The following KLK14 variants were observed in gnomAD, a reference collection of about 807,000 sequenced individuals.
KLK14 encodes kallikrein related peptidase 14.
In KLK14, 21 loss-of-function variants were observed where a neutral mutation model predicts 24.6. The ratio of observed to expected loss-of-function variants is 0.85; its 90% CI spans 0.61 to 1.23. KLK14 has a LOEUF of 1.23. Ranked by LOEUF, KLK14 falls within the 50% of genes most tolerant of loss-of-function variation. KLK14 has a pLI of 0.00. For missense variants in KLK14, 320 were observed against 338.9 expected (o/e 0.94, Z 0.44); for synonymous variants, 133 against 139.7 (o/e 0.95, Z 0.34).
intron 4 of KLK14, 81 bp downstream of exon 4, chr19:51,079,368 C>T: frequency 7.2e-7 from 1 of 1,393,140 alleles, no homozygotes; most frequent in Non-Finnish European, 9.6e-7. Context: ...ACCCAGGAGC[C>T]CCAGTCCCCC....
upstream of KLK14, among the ~76,000 whole-genome samples, chr19:51,083,379 CGG>C (rs869084755): frequency 1.3e-5 from 1 of 79,016 alleles, no homozygotes; most frequent in Non-Finnish European, 2.3e-5. Flanking sequence ...GACAGGGTGA[CGG>C]GGGGGAGAGA....
At chr19:51,079,420 C>T (rs1193567796) in intron 4 of KLK14, 29 bp downstream of exon 4, 12 of 1,583,026 alleles carry the variant, frequency 7.6e-6, no homozygotes, top group Non-Finnish European at 9.5e-6. Context: ...GGCCCAGTCC[C>T]CTGCTTTCCA....
chr19:51,079,981 G>A (rs1326542912), intron 3 of KLK14, among the ~76,000 whole-genome samples: 2 of 152,218 alleles, frequency 1.3e-5, no homozygotes, highest in African/African-American at 2.4e-5. Context: ...CTCCGTGCCA[G>A]GGTCTGTGCT....
chr19:51,078,230 G>A lies in KLK14; in HGVS notation c.604-71C>T. On this transcript the variant is annotated intron_variant, in intron 5 of 5. Transcript: ENST00000650543. The surrounding 1 kb of genome is among the most constrained non-coding windows in gnomAD (Gnocchi z 5.0). ...AGAGCCACCATGGCACAGAGAACCCGAGAAGCAGACACAGGGAGACAGGCA... is the reference window on the plus strand; with the variant it reads ...AGAGCCACCATGGCACAGAGAACCCAAGAAGCAGACACAGGGAGACAGGCA... The A allele has an allele frequency of 7.3e-6, 11 of 1,508,344 alleles. No individual in the cohort carries two copies. Among genetic ancestry groups the A allele is most frequent in the South Asian group, 5.9e-5 (5 of 84,138 alleles). 93.4% of individuals were successfully genotyped at this position (1,508,344 alleles called of 1,614,324 possible).
rs1315110608 is a variant in KLK14 at position 51,078,625 on chromosome 19, C to T, written c.603+190G>A. On this transcript the variant is annotated intron_variant, in intron 5 of 5. Transcript: ENST00000650543. The surrounding 1 kb of genome is among the most constrained non-coding windows in gnomAD (Gnocchi z 5.0). ...CACCTGACAGATGAGGAAACTGAGG[C>T]ATGAATGCTCTGAGTCCATTACCCA... 6.6e-6 allele frequency among the ~76,000 whole-genome samples: 1 copy of T among 152,176 alleles called. No homozygotes were observed. Among genetic ancestry groups the T allele is most frequent in the Admixed American group, 6.5e-5 (1 of 15,282 alleles).
chr19:51,078,955 G>A lies in KLK14; in HGVS notation c.467-4C>T, dbSNP rs2091819954. 2 of 1,613,362 alleles carry A rather than the reference G, an allele frequency of 1.2e-6. No homozygotes were observed. Among genetic ancestry groups the A allele is most frequent in the African/African-American group, 2.7e-5 (2 of 74,980 alleles). ...TGCAGAGAGGCGGGGTACCTGGCTG[G>A]GGGACACTGCAGGGTTATAACTGGG... is the stretch of plus-strand genomic sequence containing the variant. On this transcript the variant is annotated splice_polypyrimidine_tract_variant and splice_region_variant and intron_variant, in intron 4 of 5. Coordinates refer to ENST00000650543, the MANE Select transcript of KLK14 (RefSeq NM_001369775.2). This position sits in a 1 kb window ranked among gnomAD's most constrained non-coding sequence, Gnocchi z 5.0.
Position 51,079,762 on chromosome 19 carries a change from C to T in KLK14, c.213-60G>A, listed in dbSNP as rs1324827946. 16 of 1,502,066 alleles carry T rather than the reference C, an allele frequency of 1.1e-5. No homozygotes were observed. In the South Asian group the frequency reaches 2.0e-4, roughly 19 times the overall value. The allele number at this position is 1,502,066 out of a possible 1,614,324, so 93.0% of individuals were successfully genotyped here. A position where few individuals can be genotyped will look rare whatever the true frequency, so the allele number is the denominator to read the frequency against. On this transcript the variant is annotated intron_variant, in intron 3 of 5. Coordinates refer to ENST00000650543, the MANE Select transcript of KLK14 (RefSeq NM_001369775.2). ...GTCTGAGCCAGAGACTCCTCCCCAC[C>T]CTCCAGCCCGGTTCCCTGGCCGGGT...
In KLK14 at chr19:51,079,539, C is replaced by A. The variant is rs376403022; in HGVS notation, c.376G>T (p.Ala126Ser). Reference protein sequence around the residue: ...QLQQPARIGRAVRPIEVTQAC... With the variant: ...QLQQPARIGRSVRPIEVTQAC... Reference sequence around the variant, plus strand: ...TGGGTGACCTCAATGGGCCTGACTGCCCTCCCGATCCGTGCGGGCTGCTGT... The same window carrying A: ...TGGGTGACCTCAATGGGCCTGACTGACCTCCCGATCCGTGCGGGCTGCTGT... The change falls in exon 4 of 6, where the codon GCA becomes TCA. Residue 126 changes from alanine to serine, a missense_variant. Physicochemically the swap from Ala to Ser is moderately conservative, Grantham distance 99. Transcript: ENST00000650543. The A allele has an allele frequency of 5.3e-5, 85 of 1,613,938 alleles. No individual in the cohort carries two copies. The highest frequency in any genetic ancestry group is 7.0e-5 in the Non-Finnish European group (83 of 1,179,994).
Position 51,078,749 on chromosome 19 carries a change from C to T in KLK14, c.603+66G>A. ...AAGACCTCTGCAGACTTCCATGCTCCTGACATCATTTGCTTAAATCCCAGT... is the reference window on the plus strand; with the variant it reads ...AAGACCTCTGCAGACTTCCATGCTCTTGACATCATTTGCTTAAATCCCAGT... On this transcript the variant is annotated intron_variant, in intron 5 of 5. Coordinates refer to ENST00000650543, the MANE Select transcript of KLK14 (RefSeq NM_001369775.2). The surrounding 1 kb of genome is among the most constrained non-coding windows in gnomAD (Gnocchi z 5.0). 5 of 1,582,966 alleles carry T rather than the reference C, an allele frequency of 3.2e-6. No individual in the cohort carries two copies. Among genetic ancestry groups the T allele is most frequent in the Non-Finnish European group, 4.3e-6 (5 of 1,163,288 alleles).
At position 51,082,782 on chromosome 19, in the gene KLK14, G is replaced by C. The variant is rs745342188; in HGVS notation, c.-83C>G. On this transcript the variant is annotated 5_prime_UTR_variant, in exon 1 of 6. Coordinates refer to ENST00000650543, the MANE Select transcript of KLK14 (RefSeq NM_001369775.2). Reference sequence around the variant, plus strand: ...GCAGAGAGGTAGGGACCAGAGACGAGGGGGGCGGGGCCTGCAGGCTCTGCG... The same window carrying C: ...GCAGAGAGGTAGGGACCAGAGACGACGGGGGCGGGGCCTGCAGGCTCTGCG... The C allele has an allele frequency of 5.0e-6, 8 of 1,608,528 alleles. No individual in the cohort carries two copies. In the African/African-American group the frequency reaches 1.1e-4, roughly 22 times the overall value.
Position 51,079,598 on chromosome 19 carries a change from C to A in KLK14, c.317G>T (p.Arg106Leu), listed in dbSNP as rs372308187. The change falls in exon 4 of 6, where the codon CGG becomes CTG. Residue 106 changes from arginine to leucine, a missense_variant. Physicochemically the swap from Arg to Leu is moderately radical, Grantham distance 102. Coordinates refer to ENST00000650543, the MANE Select transcript of KLK14 (RefSeq NM_001369775.2). ...CAGCATGAGGTCGTTGTCGTGGGTCCGGGAGTTGTAGTTGGGGTGCGTCAC... is the reference window on the plus strand; with the variant it reads ...CAGCATGAGGTCGTTGTCGTGGGTCAGGGAGTTGTAGTTGGGGTGCGTCAC... ...RQVTHPNYNS[R>L]THDNDLMLLQ... The A allele has an allele frequency of 3.1e-6, 5 of 1,613,624 alleles. No homozygotes were observed. The highest frequency in any genetic ancestry group is 4.2e-6 in the Non-Finnish European group (5 of 1,179,902).
chr19:51,081,788 A>G (rs1167480611), intron 2 of KLK14, 85 bp from the exon 3 acceptor site: 1 of 1,296,638 alleles, frequency 7.7e-7, no homozygotes, highest in Non-Finnish European at 1.0e-6. Context: ...AAACTGACAA[A>G]TCCCCTTCCT....
At chr19:51,079,957 T>C (rs1163515324) in intron 3 of KLK14, among the ~76,000 whole-genome samples, 1 of 152,138 alleles carries the variant, frequency 6.6e-6, no homozygotes, top group Non-Finnish European at 1.5e-5. Flanking sequence ...AAGGTGATGA[T>C]TGGGAGAGCT....
Position 51,078,416 on chromosome 19 carries a change from A to G in KLK14, c.604-257T>C, listed in dbSNP as rs753264353. Among the ~76,000 whole-genome samples the G allele has an allele frequency of 3.9e-5, 6 of 152,082 alleles. No homozygotes were observed. Among genetic ancestry groups the G allele is most frequent in the Non-Finnish European group, 5.9e-5 (4 of 67,998 alleles). ...ACCAGGCCCCTCTCTGTTCGCTCCAACTGTAGAACATTTGTGTGTCTCTCT... is the reference window on the plus strand; with the variant it reads ...ACCAGGCCCCTCTCTGTTCGCTCCAGCTGTAGAACATTTGTGTGTCTCTCT... On this transcript the variant is annotated intron_variant, in intron 5 of 5. Coordinates refer to ENST00000650543, the MANE Select transcript of KLK14 (RefSeq NM_001369775.2). This position sits in a 1 kb window ranked among gnomAD's most constrained non-coding sequence, Gnocchi z 5.0.
Position 51,079,598 on chromosome 19 carries a change from CG to C in KLK14, c.316del (p.Arg106GlyfsTer60). 6.2e-7 allele frequency: 1 copy of C among 1,613,742 alleles called. No individual in the cohort carries two copies. The highest frequency in any genetic ancestry group is 8.5e-7 in the Non-Finnish European group (1 of 1,179,894). On this transcript the variant is annotated frameshift_variant, in exon 4 of 6. Transcript: ENST00000650543. LOFTEE classifies it high-confidence loss of function. ...RQVTHPNYNS[R>X]THDNDLMLLQ... ...CAGCATGAGGTCGTTGTCGTGGGTC[CG>C]GGAGTTGTAGTTGGGGTGCGTCACC...
At chr19:51,081,008 C>T (rs527442725) in intron 3 of KLK14, among the ~76,000 whole-genome samples, 1 of 152,354 alleles carries the variant, frequency 6.6e-6, no homozygotes, top group East Asian at 1.9e-4. Flanking sequence ...GAAGTCTGCT[C>T]ATAGCGGAGC....
chr19:51,078,079 A>C lies in KLK14; in HGVS notation c.684T>G (p.Pro228=). 6.2e-7 allele frequency: 1 copy of C among 1,612,428 alleles called. No homozygotes were observed. The highest frequency in any genetic ancestry group is 2.2e-5 in the East Asian group (1 of 44,748). ...GGTTGGTGTAGACACCGGGGTAGCCAGGCAGGGCGCAGCGCTCCATTCCCC... is the reference window on the plus strand; with the variant it reads ...GGTTGGTGTAGACACCGGGGTAGCCCGGCAGGGCGCAGCGCTCCATTCCCC... ...VSWGMERCAL[P]GYPGVYTNLC... Residue 228 remains proline, a synonymous_variant, in exon 6 of 6, where the codon CCT becomes CCG. Coordinates refer to ENST00000650543, the MANE Select transcript of KLK14 (RefSeq NM_001369775.2). This position sits in a 1 kb window ranked among gnomAD's most constrained non-coding sequence, Gnocchi z 5.0.
At chr19:51,081,081 T>G (rs1048702718) in intron 3 of KLK14, among the ~76,000 whole-genome samples, 1 of 152,244 alleles carries the variant, frequency 6.6e-6, no homozygotes, top group African/African-American at 2.4e-5. Flanking sequence ...GCCTCTATTC[T>G]TAGAGTTGTA....
rs764057454 is a variant in KLK14 at position 51,078,967 on chromosome 19, G to C, written c.467-16C>G. On this transcript the variant is annotated splice_polypyrimidine_tract_variant and intron_variant, in intron 4 of 5. Coordinates refer to ENST00000650543, the MANE Select transcript of KLK14 (RefSeq NM_001369775.2). This position sits in a 1 kb window ranked among gnomAD's most constrained non-coding sequence, Gnocchi z 5.0. ...GGGTACCTGGCTGGGGGACACTGCAGGGTTATAACTGGGTCTACCCTCCCA... is the reference window on the plus strand; with the variant it reads ...GGGTACCTGGCTGGGGGACACTGCACGGTTATAACTGGGTCTACCCTCCCA... 3 of 1,612,406 alleles carry C rather than the reference G, an allele frequency of 1.9e-6. No homozygotes were observed. Among genetic ancestry groups the C allele is most frequent in the Non-Finnish European group, 2.5e-6 (3 of 1,179,556 alleles).
Sources: allele counts gnomAD v4.1 joint callset (sites outside exome capture counted in the v4.1 genomes callset), GRCh38; gene constraint gnomAD v4.1.1; non-coding constraint Gnocchi (gnomAD v3.1); transcripts MANE v1.5; gene names NCBI Gene and HGNC (gene_info 2026-07-23, HGNC 2026-07-21).